FAM76B: variants seen among roughly 807,000 people sequenced by gnomAD.
FAM76B encodes protein FAM76B.
A neutral mutation model predicts 51.8 loss-of-function variants in FAM76B; 16 were observed. That is an observed-to-expected ratio of 0.31 (90% CI 0.21 to 0.47). The LOEUF is 0.47. Among genes scored for constraint, FAM76B ranks in the 20% least tolerant of loss-of-function variants. FAM76B has a pLI of 1.00. For synonymous variants in FAM76B, 166 were observed against 129.5 expected (o/e 1.28, Z -1.91); for missense variants, 342 against 392.6 (o/e 0.87, Z 1.09).
chr11:95,781,930 A>G (rs1170660604), intron 5 of FAM76B, among the ~76,000 whole-genome samples: 8 of 152,158 alleles, frequency 5.3e-5, no homozygotes, highest in African/African-American at 1.9e-4. Flanking sequence ...AGACAGAACT[A>G]CATTACATTC....
intron 7 of FAM76B, chr11:95,779,179 T>C: frequency 6.5e-7 from 1 of 1,542,606 alleles, no homozygotes; most frequent in Admixed American, 1.7e-5. Flanking sequence ...GGGTCAATAC[T>C]TCTAGTGTAA....
chr11:95,788,783 T>G, intron 1 of FAM76B: 3 of 1,471,898 alleles, frequency 2.0e-6, no homozygotes, highest in South Asian at 2.5e-5. Flanking sequence ...TGGGGGTATA[T>G]TACAGACAAA....
Position 95,771,609 on chromosome 11 carries a change from T to C in FAM76B, c.972A>G (p.Ser324=), listed in dbSNP as rs1326707971. The C allele has an allele frequency of 3.7e-6, 6 of 1,607,516 alleles. No homozygotes were observed. In the African/African-American group the frequency reaches 8.0e-5, roughly 22 times the overall value. Residue 324 remains serine, a synonymous_variant, in exon 10 of 10, where the codon TCA becomes TCG. Coordinates refer to ENST00000358780, the MANE Select transcript of FAM76B (RefSeq NM_144664.5). ...CACTTTTGTCAAATTTTTTACCCTT[T>C]GATAATGCTGCGACCTGTTTGAGTA... The part of the protein sequence containing the change: ...RELLKQVAAL[S]KGKKFDKSGS...
At chr11:95,780,948 A>G (rs1043939478) in intron 5 of FAM76B, among the ~76,000 whole-genome samples, 1 of 152,110 alleles carries the variant, frequency 6.6e-6, no homozygotes, top group African/African-American at 2.4e-5. Flanking sequence ...AGCAAAAGAA[A>G]AAAACAAACC....
chr11:95,770,342 C>T lies in FAM76B; in HGVS notation c.*1219G>A, dbSNP rs562139503. 1.5e-4 allele frequency: 23 copies of T among 151,782 alleles called. No homozygotes were observed. The highest frequency in any genetic ancestry group is 5.5e-4 in the African/African-American group (23 of 41,452). The allele number at this position is 151,782 out of a possible 1,614,324, so 9.4% of individuals were successfully genotyped here. A position where few individuals can be genotyped will look rare whatever the true frequency, so the allele number is the denominator to read the frequency against. Reference sequence around the variant, plus strand: ...ATCTTATAGTAGATTCCAATTTATTCAAAGATTATCACAGATTGGATTAAA... The same window carrying T: ...ATCTTATAGTAGATTCCAATTTATTTAAAGATTATCACAGATTGGATTAAA... On this transcript the variant is annotated 3_prime_UTR_variant, in exon 10 of 10. Transcript: ENST00000358780.
chr11:95,773,968 A>T lies in FAM76B; in HGVS notation c.930+1954T>A, dbSNP rs190950930. On this transcript the variant is annotated intron_variant, in intron 9 of 9. Transcript: ENST00000358780. ...ATTCAATTCCTTATTACATAAAGAT[A>T]AAAAAAAAATTACCGGTTTCCTCAC... is the stretch of plus-strand genomic sequence containing the variant. 4.9e-3 allele frequency among the ~76,000 whole-genome samples: 732 copies of T among 149,214 alleles called. 3 individuals are homozygous for T. Among genetic ancestry groups the T allele is most frequent in the Non-Finnish European group, 7.4e-3 (492 of 66,740 alleles).
intron 8 of FAM76B, among the ~76,000 whole-genome samples, chr11:95,776,792 C>T (rs1860032058): frequency 6.6e-6 from 1 of 151,226 alleles, no homozygotes. Flanking sequence ...AGAGGGAACT[C>T]CAGGTTATTT....
At chr11:95,786,395 G>T in intron 3 of FAM76B, 121 bp from the exon 4 acceptor site, 2 of 1,194,026 alleles carry the variant, frequency 1.7e-6, no homozygotes, top group South Asian at 3.3e-5. Context: ...TTTGTTTTCT[G>T]TCAAGTTTGT....
chr11:95,779,166 AG>A, intron 7 of FAM76B: 1 of 1,558,850 alleles, frequency 6.4e-7, no homozygotes, highest in Non-Finnish European at 8.7e-7. Flanking sequence ...ATTAGCTTTA[AG>A]GGGGTCAATA....
rs148338899 is a variant in FAM76B at position 95,780,604 on chromosome 11, T to C, written c.564-678A>G. 5.3e-5 allele frequency among the ~76,000 whole-genome samples: 8 copies of C among 152,122 alleles called. No homozygotes were observed. The East Asian group carries it at 7.7e-4, about 15-fold the overall frequency. On this transcript the variant is annotated intron_variant, in intron 5 of 9. Coordinates refer to ENST00000358780, the MANE Select transcript of FAM76B (RefSeq NM_144664.5). ...TAATTCATCATGAATCCTTCATTTT[T>C]TTCCTCCTAAACTTGCATATCAGTC...
intron 4 of FAM76B, among the ~76,000 whole-genome samples, chr11:95,784,090 T>C (rs189244332): frequency 5.3e-5 from 8 of 152,270 alleles, no homozygotes; most frequent in Non-Finnish European, 2.9e-5. Flanking sequence ...GTATATACCA[T>C]GGAATACTAT....
At chr11:95,783,393 T>C (rs1860381930) in intron 4 of FAM76B, 129 bp from the exon 5 acceptor site, 2 of 660,596 alleles carry the variant, frequency 3.0e-6, no homozygotes, top group Non-Finnish European at 5.0e-6. Flanking sequence ...TATGCACATA[T>C]TCACGGATTT....
chr11:95,769,289 G>C lies in FAM76B; in HGVS notation c.*2272C>G, dbSNP rs576802825. Reference sequence around the variant, plus strand: ...GTTTATTATGTCAAAACACTACAGAGATCCAGGACTGGGACTGAATTACTA... The same window carrying C: ...GTTTATTATGTCAAAACACTACAGACATCCAGGACTGGGACTGAATTACTA... On this transcript the variant is annotated 3_prime_UTR_variant, in exon 10 of 10. Coordinates refer to ENST00000358780, the MANE Select transcript of FAM76B (RefSeq NM_144664.5). 2.6e-5 allele frequency: 4 copies of C among 152,296 alleles called. No homozygotes were observed. The highest frequency in any genetic ancestry group is 2.1e-4 in the South Asian group (1 of 4,820). The allele number at this position is 152,296 out of a possible 1,614,324, so 9.4% of individuals were successfully genotyped here.
In FAM76B at chr11:95,778,877, G is replaced by A. The variant is rs1230155463; in HGVS notation, c.773C>T (p.Ser258Leu). The change falls in exon 8 of 10, where the codon TCA becomes TTA. Residue 258 changes from serine (S) to leucine (L), a missense_variant. This residue lies in a region of FAM76B where 230 missense variants were observed against 257.4 expected (regional missense o/e 0.89). Transcript: ENST00000358780. ...LISQLKEEVM[S>L]LKRLLQQRDQ... ...TCTCTGCTGTAAGAGACGCTTAAGT[G>A]ACATCACTTCTTCTTTCAATTGACT... 7 of 1,610,798 alleles carry A rather than the reference G, an allele frequency of 4.3e-6. No homozygotes were observed. Among genetic ancestry groups the A allele is most frequent in the Non-Finnish European group, 5.9e-6 (7 of 1,178,024 alleles).
At chr11:95,773,482 A>T (rs912992824) in intron 9 of FAM76B, among the ~76,000 whole-genome samples, 1 of 143,484 alleles carries the variant, frequency 7.0e-6, no homozygotes, top group African/African-American at 2.5e-5. Context: ...AAAATCAATG[A>T]AATTCTTTAC....
chr11:95,788,621 C>G, intron 1 of FAM76B, 58 bp from the exon 2 acceptor site: 1 of 1,534,788 alleles, frequency 6.5e-7, no homozygotes, highest in Admixed American at 1.8e-5. Flanking sequence ...TCTCACTTTT[C>G]TGGTAGAAAA....
At position 95,770,108 on chromosome 11, in the gene FAM76B, A is replaced by G. The variant is rs1294897481; in HGVS notation, c.*1453T>C. The G allele has an allele frequency of 2.6e-5, 4 of 151,586 alleles. No homozygotes were observed. The highest frequency in any genetic ancestry group is 9.7e-5 in the African/African-American group (4 of 41,390). The allele number at this position is 151,586 out of a possible 1,614,324, so 9.4% of individuals were successfully genotyped here. A position where few individuals can be genotyped will look rare whatever the true frequency, so the allele number is the denominator to read the frequency against. On this transcript the variant is annotated 3_prime_UTR_variant, in exon 10 of 10. Coordinates refer to ENST00000358780, the MANE Select transcript of FAM76B (RefSeq NM_144664.5). The stretch of plus-strand genomic sequence containing the variant: ...ATCTTTGCCCATAAATTATTAAGAG[A>G]AGCAACTCACTCTATACAGTGTATC...
chr11:95,788,958 A>T, intron 1 of FAM76B: 1 of 1,344,364 alleles, frequency 7.4e-7, no homozygotes, highest in Non-Finnish European at 9.7e-7. Context: ...CTGGACAGGG[A>T]AGAAGGATGC....
In FAM76B at chr11:95,787,746, T is replaced by A. The variant is rs943718749; in HGVS notation, c.153-68A>T. 4 of 1,301,750 alleles carry A rather than the reference T, an allele frequency of 3.1e-6. No individual in the cohort carries two copies. In the Admixed American group the frequency reaches 8.4e-5, roughly 27 times the overall value. 80.6% of individuals were successfully genotyped at this position (1,301,750 alleles called of 1,614,324 possible). A position where few individuals can be genotyped will look rare whatever the true frequency, so the allele number is the denominator to read the frequency against. ...TAAAGTAATTAGCACAATGTCAAAA[T>A]AAAATGAGTCAAAGATTTGTTGTAC... On this transcript the variant is annotated intron_variant, in intron 2 of 9. Coordinates refer to ENST00000358780, the MANE Select transcript of FAM76B (RefSeq NM_144664.5).
Sources: allele counts gnomAD v4.1 joint callset (sites outside exome capture counted in the v4.1 genomes callset), GRCh38; gene constraint gnomAD v4.1.1; regional missense constraint gnomAD v4.1.1; transcripts MANE v1.5; gene names NCBI Gene and HGNC (gene_info 2026-07-23, HGNC 2026-07-21).